The following NCKAP5 variants were observed in gnomAD, a reference collection of about 807,000 sequenced individuals.
The protein encoded by NCKAP5 is NCK associated protein 5, also known as nck-associated protein 5.
Under a neutral mutation model 167.0 loss-of-function variants are expected in NCKAP5, and 92 were observed. The ratio of observed to expected loss-of-function variants is 0.55; its 90% CI spans 0.47 to 0.66. NCKAP5 has a LOEUF of 0.66. NCKAP5 is among the 30% of genes least tolerant of loss of function. The pLI is 0.00. For missense variants in NCKAP5, 2,378 were observed against 2,315.0 expected, an observed-to-expected ratio of 1.03 and a Z score of -0.56; for synonymous variants, 891 against 877.4, an observed-to-expected ratio of 1.02 and a Z score of -0.27.
chr2:133,282,292 C>T (rs1047117661), intron 4 of NCKAP5, among the ~76,000 whole-genome samples: 1 of 152,066 alleles, frequency 6.6e-6, no homozygotes, highest in African/African-American at 2.4e-5. Flanking sequence ...GTCTTCAGTG[C>T]CAAAAGCAGA....
At chr2:132,830,975 C>T (rs1412570264) in intron 11 of NCKAP5, among the ~76,000 whole-genome samples, 1 of 152,048 alleles carries the variant, frequency 6.6e-6, no homozygotes, top group Non-Finnish European at 1.5e-5. Flanking sequence ...GATGTGGATC[C>T]TTCCAGAACA....
intron 6 of NCKAP5, among the ~76,000 whole-genome samples, chr2:133,088,721 G>T (rs2081076689): frequency 6.6e-6 from 1 of 152,072 alleles, no homozygotes; most frequent in African/African-American, 2.4e-5. Flanking sequence ...AAATCAATAT[G>T]CTGCCCTAAC....
intron 3 of NCKAP5, among the ~76,000 whole-genome samples, chr2:133,444,286 T>C (rs1049278228): frequency 5.3e-5 from 8 of 151,688 alleles, no homozygotes; most frequent in African/African-American, 1.7e-4. Flanking sequence ...TTAAGCACAA[T>C]GGAACAGCTA....
chr2:132,990,896 T>C (rs1371502220), intron 7 of NCKAP5, among the ~76,000 whole-genome samples: 1 of 152,096 alleles, frequency 6.6e-6, no homozygotes, highest in East Asian at 1.9e-4. Flanking sequence ...TACACTTAGA[T>C]AAGAAAGTAC....
intron 3 of NCKAP5, among the ~76,000 whole-genome samples, chr2:133,475,943 C>T (rs1679844227): frequency 1.3e-5 from 2 of 152,108 alleles, no homozygotes; most frequent in Admixed American, 6.5e-5. Context: ...CCTATTTAAT[C>T]CAAAGAAACC....
intron 3 of NCKAP5, among the ~76,000 whole-genome samples, chr2:133,371,617 G>T (rs1023859973): frequency 6.6e-6 from 1 of 152,206 alleles, no homozygotes; most frequent in African/African-American, 2.4e-5. Context: ...CTGAATGGAA[G>T]AGTGAGTTCT....
intron 5 of NCKAP5, among the ~76,000 whole-genome samples, chr2:133,142,248 C>G (rs1162370691): frequency 4.6e-5 from 7 of 152,064 alleles, no homozygotes. Flanking sequence ...TCACAACAGA[C>G]AATCTCACTT....
chr2:133,026,221 T>C (rs2078692437), intron 6 of NCKAP5, among the ~76,000 whole-genome samples: 1 of 152,142 alleles, frequency 6.6e-6, no homozygotes, highest in East Asian at 1.9e-4. Flanking sequence ...TTTGTTTAGG[T>C]TCCTTGTAGA....
At chr2:133,607,771 C>T in the NCKAP5 span, among the ~76,000 whole-genome samples, 2 of 152,172 alleles carry the variant, frequency 1.3e-5, no homozygotes, top group East Asian at 3.9e-4. Context: ...GCCCATGTAT[C>T]TCAGACAAGT....
chr2:132,962,297 G>C (rs1013988136), intron 8 of NCKAP5, among the ~76,000 whole-genome samples: 1 of 152,110 alleles, frequency 6.6e-6, no homozygotes, highest in Non-Finnish European at 1.5e-5. Flanking sequence ...CGTAATCCTC[G>C]TTACTTCCCT....
chr2:133,348,668 A>C (rs1163537805), intron 3 of NCKAP5, among the ~76,000 whole-genome samples: 1 of 152,180 alleles, frequency 6.6e-6, no homozygotes, highest in African/African-American at 2.4e-5. Flanking sequence ...AATAAAAATA[A>C]AAAATCTTTT....
chr2:133,662,593 C>G, the NCKAP5 span, among the ~76,000 whole-genome samples: 177 of 145,654 alleles, frequency 1.2e-3, 1 homozygote, highest in African/African-American at 4.1e-3. Flanking sequence ...GATCACAATA[C>G]CATTAGGTTG....
At chr2:133,224,003 CCTGA>C (rs1304831702) in intron 4 of NCKAP5, among the ~76,000 whole-genome samples, 1 of 152,156 alleles carries the variant, frequency 6.6e-6, no homozygotes, top group African/African-American at 2.4e-5. Context: ...ATTTTAGTGG[CCTGA>C]CTTTCTGAAG....
rs1002152274 is a variant in NCKAP5, at chr2:132,718,598, A to C, written c.5713+7029T>G. Among the ~76,000 whole-genome samples the C allele has an allele frequency of 1.8e-4, 27 of 152,190 alleles. 1 individual carries two copies. Among genetic ancestry groups the C allele is most frequent in the Admixed American group, 8.5e-4 (13 of 15,286 alleles). ...GTCTATATCCTTGAGAAAAAATTGG[A>C]CAAATGGATTCATCATTTTTCTCTA... On this transcript the variant is annotated intron_variant, in intron 19 of 19. Coordinates refer to ENST00000409261, the MANE Select transcript of NCKAP5 (RefSeq NM_207363.3).
At chr2:133,160,428 C>CT (rs2083744778) in intron 5 of NCKAP5, among the ~76,000 whole-genome samples, 1 of 91,158 alleles carries the variant, frequency 1.1e-5, no homozygotes, top group African/African-American at 4.1e-5. Context: ...TTTTTCTTTT[C>CT]CTTTCTTTTT....
At chr2:133,603,413 C>T in the NCKAP5 span, among the ~76,000 whole-genome samples, 8 of 151,676 alleles carry the variant, frequency 5.3e-5, no homozygotes, top group African/African-American at 1.7e-4. Flanking sequence ...TTAGCAGAGA[C>T]GGGGTTTTTC....
intron 2 of NCKAP5, among the ~76,000 whole-genome samples, chr2:133,541,086 A>G (rs1211140426): frequency 1.3e-5 from 2 of 151,062 alleles, no homozygotes; most frequent in Admixed American, 1.3e-4. Context: ...TTATATATAT[A>G]GACATTAAAA....
intron 6 of NCKAP5, among the ~76,000 whole-genome samples, chr2:133,100,827 A>G (rs2081488903): frequency 6.6e-6 from 1 of 152,144 alleles, no homozygotes; most frequent in South Asian, 2.1e-4. Context: ...ATGTGAGATT[A>G]TAGTTACCTT....
intron 6 of NCKAP5, among the ~76,000 whole-genome samples, chr2:132,994,470 T>C (rs1559030467): frequency 6.6e-6 from 1 of 152,202 alleles, no homozygotes; most frequent in Admixed American, 6.5e-5. Context: ...TCTTTATACT[T>C]GGACATCTAA....
Sources: allele counts gnomAD v4.1 joint callset (sites outside exome capture counted in the v4.1 genomes callset), GRCh38; gene constraint gnomAD v4.1.1; transcripts MANE v1.5; gene names NCBI Gene and HGNC (gene_info 2026-07-23, HGNC 2026-07-21).